Variants in GREB1L observed in about 807,000 individuals in gnomAD.
GREB1L encodes GREB1 like retinoic acid receptor coactivator.
Under a neutral mutation model 200.8 loss-of-function variants are expected in GREB1L, and 17 were observed. The ratio of observed to expected loss-of-function variants is 0.08; its 90% CI spans 0.06 to 0.13. The LOEUF (loss-of-function observed/expected upper bound fraction) is 0.13. Ranked by LOEUF, GREB1L falls within the 10% of genes least tolerant of loss-of-function variation. The pLI is 1.00. For synonymous variants in GREB1L, 789 were observed against 893.0 expected (o/e 0.88, Z 2.08); for missense variants, 1,657 against 2,367.7 (o/e 0.70, Z 6.23).
At chr18:21,448,865 T>G (rs570859498) in intron 11 of GREB1L, among the ~76,000 whole-genome samples, 51 of 152,244 alleles carry the variant, frequency 3.3e-4, no homozygotes, top group African/African-American at 1.1e-3. Flanking sequence ...TAAGTTTTGC[T>G]CCAACTGGTT....
chr18:21,256,640 G>C (rs1445842811), intron 1 of GREB1L, among the ~76,000 whole-genome samples: 1 of 152,030 alleles, frequency 6.6e-6, no homozygotes, highest in Non-Finnish European at 1.5e-5. Flanking sequence ...TTTTTACTCT[G>C]AGACAGTTGC....
chr18:21,464,338 G>T (rs2035179482), intron 15 of GREB1L, among the ~76,000 whole-genome samples: 1 of 151,822 alleles, frequency 6.6e-6, no homozygotes, highest in South Asian at 2.1e-4. Context: ...GACTATCCTG[G>T]TCTCTACCAT....
chr18:21,371,783 CAA>C (rs373133981), intron 2 of GREB1L, among the ~76,000 whole-genome samples: 16 of 77,752 alleles, frequency 2.1e-4, no homozygotes, highest in Admixed American at 3.1e-4. Flanking sequence ...GACTTCATCT[CAA>C]AAAAAAAAAA....
intron 5 of GREB1L, among the ~76,000 whole-genome samples, chr18:21,399,453 T>TTGGATGGATGGA (rs111906534): frequency 0.037 from 5,337 of 146,154 alleles, 204 homozygotes; most frequent in African/African-American, 0.087. Context: ...GGATGGATGG[T>TTGGATGGATGGA]TGGATGGATG....
intron 17 of GREB1L, among the ~76,000 whole-genome samples, chr18:21,484,488 G>A (rs1231402025): frequency 6.6e-6 from 1 of 152,090 alleles, no homozygotes; most frequent in Admixed American, 6.6e-5. Context: ...TTATGAGTTG[G>A]AGAGCACTTA....
chr18:21,318,905 A>T (rs1314964213), intron 1 of GREB1L, among the ~76,000 whole-genome samples: 5 of 152,212 alleles, frequency 3.3e-5, no homozygotes, highest in Admixed American at 1.3e-4. Context: ...GTGAGTGAAC[A>T]GTAGGAACTT....
intron 7 of GREB1L, among the ~76,000 whole-genome samples, chr18:21,405,849 C>T (rs2030145260): frequency 6.6e-6 from 1 of 151,632 alleles, no homozygotes; most frequent in African/African-American, 2.4e-5. Context: ...AAAACAGGCC[C>T]AGGCACAGTG....
intron 25 of GREB1L, among the ~76,000 whole-genome samples, chr18:21,506,908 C>A (rs1443435425): frequency 1.3e-5 from 2 of 152,174 alleles, no homozygotes; most frequent in Non-Finnish European, 2.9e-5. Context: ...CCAAATTCAT[C>A]TTTATTTTTA....
intron 4 of GREB1L, among the ~76,000 whole-genome samples, chr18:21,389,333 G>GTTTTT (rs78492131): frequency 0.15 from 14,274 of 95,014 alleles, 1,440 homozygotes; most frequent in East Asian, 0.37. Flanking sequence ...TATGGGGTGG[G>GTTTTT]TTTTTTTTTT....
At chr18:21,311,773 C>G (rs1342635721) in intron 1 of GREB1L, among the ~76,000 whole-genome samples, 1 of 151,968 alleles carries the variant, frequency 6.6e-6, no homozygotes, top group East Asian at 1.9e-4. Context: ...GCTGAGATGA[C>G]AAGCATGTGG....
chr18:21,326,055 T>G (rs1196373219), intron 1 of GREB1L, among the ~76,000 whole-genome samples: 2 of 152,030 alleles, frequency 1.3e-5, no homozygotes, highest in South Asian at 2.1e-4. Context: ...ATAAAACTAT[T>G]TACCAAATGT....
intron 7 of GREB1L, among the ~76,000 whole-genome samples, chr18:21,421,594 C>T (rs1175234375): frequency 6.6e-6 from 1 of 152,182 alleles, no homozygotes; most frequent in African/African-American, 2.4e-5. Flanking sequence ...AAGACTTAAG[C>T]TCTTGGTCAT....
At chr18:21,435,493 G>A (rs1420309062) in intron 7 of GREB1L, among the ~76,000 whole-genome samples, 1 of 152,146 alleles carries the variant, frequency 6.6e-6, no homozygotes, top group African/African-American at 2.4e-5. Context: ...AGAGCAAAGG[G>A]TTTTAGCCCA....
intron 1 of GREB1L, among the ~76,000 whole-genome samples, chr18:21,327,753 C>T (rs1480859673): frequency 6.6e-6 from 1 of 151,684 alleles, no homozygotes; most frequent in African/African-American, 2.4e-5. Context: ...ACTCTGTTAC[C>T]CAGGCTGGAG....
At chr18:21,441,309 T>C in intron 9 of GREB1L, 91 bp from the exon 10 acceptor site, 1 of 1,064,394 alleles carries the variant, frequency 9.4e-7, no homozygotes, top group African/African-American at 1.6e-5. Context: ...TTCTAATGCT[T>C]CTCTGTTAAA....
chr18:21,376,579 C>T (rs1408438219), intron 2 of GREB1L, among the ~76,000 whole-genome samples: 1 of 151,514 alleles, frequency 6.6e-6, no homozygotes, highest in Admixed American at 6.6e-5. Flanking sequence ...CCAAGGTGGG[C>T]GGATCACGAG....
chr18:21,416,407 A>G (rs1400901367), intron 7 of GREB1L, among the ~76,000 whole-genome samples: 1 of 152,198 alleles, frequency 6.6e-6, no homozygotes, highest in African/African-American at 2.4e-5. Context: ...TGAACATTAT[A>G]AACCCACAGA....
At chr18:21,258,405 C>T (rs1398906596) in intron 1 of GREB1L, among the ~76,000 whole-genome samples, 2 of 152,136 alleles carry the variant, frequency 1.3e-5, no homozygotes, top group African/African-American at 4.8e-5. Flanking sequence ...GTTGCCCCCT[C>T]AATAAATATT....
In GREB1L at chr18:21,395,555, C is replaced by G; in HGVS notation, c.526C>G (p.Leu176Val). The G allele has an allele frequency of 6.5e-7, 1 of 1,546,932 alleles. No homozygotes were observed. The highest frequency in any genetic ancestry group is 8.7e-7 in the Non-Finnish European group (1 of 1,144,716). The change falls in exon 5 of 33, where the codon CTT becomes GTT. Residue 176 changes from leucine to valine, a missense_variant. Leu to Val is a conservative substitution (Grantham distance 32). Coordinates refer to ENST00000424526, the MANE Select transcript of GREB1L (RefSeq NM_001142966.3). The stretch of plus-strand genomic sequence containing the variant: ...ACCAGATGATCATGGAAAAAATGCA[C>G]TTTTAGGTGAGTGTTTCATGCTTAT... ...FLPDDHGKNALLGFSGNCIGC... is the reference protein window; with the variant it reads ...FLPDDHGKNAVLGFSGNCIGC...
Sources: allele counts gnomAD v4.1 joint callset (sites outside exome capture counted in the v4.1 genomes callset), GRCh38; gene constraint gnomAD v4.1.1; transcripts MANE v1.5; gene names NCBI Gene and HGNC (gene_info 2026-07-23, HGNC 2026-07-21).